The following SOX5 variants were observed in gnomAD, a reference collection of about 807,000 sequenced individuals.
SOX5 encodes the protein SRY-box transcription factor 5.
A neutral mutation model predicts 92.0 loss-of-function variants in SOX5; 9 were observed. The ratio of observed to expected loss-of-function variants is 0.10; its 90% CI spans 0.06 to 0.17. The LOEUF (loss-of-function observed/expected upper bound fraction) is 0.17, where lower values mean the gene tolerates loss of function less well. SOX5 is among the 10% of genes least tolerant of loss of function. The pLI is 1.00. For missense variants in SOX5, 642 were observed against 944.5 expected, an observed-to-expected ratio of 0.68 and a Z score of 4.20; for synonymous variants, 344 against 336.3, an observed-to-expected ratio of 1.02 and a Z score of -0.25.
At chr12:23,876,686 C>A (rs566188040) in intron 2 of SOX5, among the ~76,000 whole-genome samples, 37 of 152,304 alleles carry the variant, frequency 2.4e-4, no homozygotes, top group Admixed American at 1.4e-3. Flanking sequence ...TATAAAGACA[C>A]ATGCACACTT....
chr12:24,328,839 C>T (rs1189400808), intron 2 of SOX5, among the ~76,000 whole-genome samples: 1 of 152,198 alleles, frequency 6.6e-6, no homozygotes, highest in Non-Finnish European at 1.5e-5. Flanking sequence ...AAGTTCCCTT[C>T]ATTTGGTCTA....
At chr12:24,051,982 A>G (rs1383258879) in intron 4 of SOX5, among the ~76,000 whole-genome samples, 1 of 152,182 alleles carries the variant, frequency 6.6e-6, no homozygotes, top group African/African-American at 2.4e-5. Context: ...CTCCGGCCTC[A>G]TCTTATTTAA....
intron 4 of SOX5, among the ~76,000 whole-genome samples, chr12:24,184,831 T>G (rs973717379): frequency 6.6e-6 from 1 of 152,096 alleles, no homozygotes; most frequent in Non-Finnish European, 1.5e-5. Flanking sequence ...GAAATCAGAT[T>G]TTTGGCTCAA....
At chr12:23,727,152 A>G (rs2093177564) in intron 6 of SOX5, among the ~76,000 whole-genome samples, 1 of 152,174 alleles carries the variant, frequency 6.6e-6, no homozygotes, top group South Asian at 2.1e-4. Context: ...TCAAGTCAGG[A>G]TGAGTTATAA....
chr12:24,353,692 G>A (rs1443536941), intron 2 of SOX5, among the ~76,000 whole-genome samples: 1 of 152,016 alleles, frequency 6.6e-6, no homozygotes, highest in African/African-American at 2.4e-5. Flanking sequence ...CCAGGCTGGA[G>A]TGCAGTGGTG....
At chr12:24,104,528 A>T (rs952823038) in intron 4 of SOX5, among the ~76,000 whole-genome samples, 3 of 152,236 alleles carry the variant, frequency 2.0e-5, no homozygotes, top group Non-Finnish European at 2.9e-5. Context: ...AGTAATTTAT[A>T]GTATCTAGGG....
intron 4 of SOX5, among the ~76,000 whole-genome samples, chr12:24,008,921 G>C (rs1299494135): frequency 6.6e-6 from 1 of 152,092 alleles, no homozygotes; most frequent in East Asian, 1.9e-4. Context: ...GACTTCCAAG[G>C]CTAGGTCATA....
At chr12:24,471,000 C>T (rs534582530) in intron 1 of SOX5, among the ~76,000 whole-genome samples, 1 of 152,248 alleles carries the variant, frequency 6.6e-6, no homozygotes, top group South Asian at 2.1e-4. Context: ...TGATCCATTA[C>T]CATTCACAAA....
chr12:24,102,246 G>A (rs1292856631), intron 4 of SOX5, among the ~76,000 whole-genome samples: 1 of 152,104 alleles, frequency 6.6e-6, no homozygotes, highest in African/African-American at 2.4e-5. Flanking sequence ...TTGACTAGAG[G>A]AGGAAAAAGT....
intron 1 of SOX5, among the ~76,000 whole-genome samples, chr12:24,423,527 A>G (rs1350672041): frequency 6.6e-6 from 1 of 152,250 alleles, no homozygotes; most frequent in Admixed American, 6.5e-5. Context: ...TTACATCTAT[A>G]TCATTCCTTC....
chr12:24,045,072 T>A (rs1466892626), intron 4 of SOX5, among the ~76,000 whole-genome samples: 1 of 152,114 alleles, frequency 6.6e-6, no homozygotes, highest in Admixed American at 6.6e-5. Context: ...AATCTCCCAC[T>A]AGGAGGTTAT....
At chr12:24,505,326 G>A (rs1948612166) in intron 1 of SOX5, among the ~76,000 whole-genome samples, 1 of 152,304 alleles carries the variant, frequency 6.6e-6, no homozygotes, top group Middle Eastern at 3.4e-3. Flanking sequence ...AAAAGGGAAA[G>A]TGACATGGGA....
intron 11 of SOX5, among the ~76,000 whole-genome samples, chr12:23,560,947 T>C (rs906942064): frequency 6.6e-6 from 1 of 152,222 alleles, no homozygotes; most frequent in Non-Finnish European, 1.5e-5. Context: ...TTTCCTTTTA[T>C]ATTACAAGAG....
intron 6 of SOX5, among the ~76,000 whole-genome samples, chr12:23,683,613 A>G (rs1479451): frequency 6.6e-6 from 1 of 151,798 alleles, no homozygotes; most frequent in African/African-American, 2.4e-5. Context: ...AACCTTTAGT[A>G]TGTAAATGGT....
intron 4 of SOX5, among the ~76,000 whole-genome samples, chr12:24,066,684 A>G (rs549628643): frequency 2.6e-5 from 4 of 152,370 alleles, no homozygotes; most frequent in Non-Finnish European, 5.9e-5. Flanking sequence ...AAATAAAACC[A>G]TATCTGGTAT....
At chr12:23,898,960 G>C (rs2097204447) in intron 1 of SOX5, among the ~76,000 whole-genome samples, 1 of 152,142 alleles carries the variant, frequency 6.6e-6, no homozygotes, top group Non-Finnish European at 1.5e-5. Flanking sequence ...ATTACATATA[G>C]ATATATCAAT....
At chr12:23,702,416 A>G (rs1430534013) in intron 6 of SOX5, among the ~76,000 whole-genome samples, 1 of 152,032 alleles carries the variant, frequency 6.6e-6, no homozygotes, top group Non-Finnish European at 1.5e-5. Context: ...TATTTAACTG[A>G]GTGGTAGTAG....
At chr12:23,653,808 A>G (rs1205115350) in intron 7 of SOX5, among the ~76,000 whole-genome samples, 1 of 152,098 alleles carries the variant, frequency 6.6e-6, no homozygotes, top group Non-Finnish European at 1.5e-5. Flanking sequence ...TTTGGGGGAA[A>G]ATAAACATTC....
chr12:23,641,706 T>G (rs76085707), intron 7 of SOX5, among the ~76,000 whole-genome samples: 3,071 of 152,284 alleles, frequency 0.02, 91 homozygotes, highest in African/African-American at 0.068. Flanking sequence ...ACAATAGACC[T>G]GTTGCATAGG....
Sources: gnomAD v4.1 joint callset for allele counts (sites outside exome capture counted in the v4.1 genomes callset) on GRCh38, gnomAD v4.1.1 for gene constraint, MANE v1.5 for transcripts, NCBI Gene and HGNC (gene_info 2026-07-23, HGNC 2026-07-21) for gene names.